DLG2: variants seen among roughly 807,000 people sequenced by gnomAD.
DLG2 encodes disks large homolog 2.
DLG2 carries 45 observed loss-of-function variants against 132.5 expected under a neutral mutation model. The observed-to-expected ratio is 0.34, with a 90% CI of 0.27 to 0.44. DLG2 has a LOEUF of 0.44. DLG2 is among the 20% of genes least tolerant of loss of function. The pLI is 1.00. For missense variants in DLG2, 1,045 were observed against 1,196.9 expected (o/e 0.87, Z 1.87); for synonymous variants, 424 against 419.6 (o/e 1.01, Z -0.13).
At chr11:84,944,859 T>C (rs2049994050) in intron 6 of DLG2, among the ~76,000 whole-genome samples, 1 of 152,182 alleles carries the variant, frequency 6.6e-6, no homozygotes, top group African/African-American at 2.4e-5. Context: ...CCACCTCACC[T>C]CCCAAAGTGC....
chr11:84,556,006 A>G (rs2099411316), intron 6 of DLG2, among the ~76,000 whole-genome samples: 1 of 152,204 alleles, frequency 6.6e-6, no homozygotes, highest in Non-Finnish European at 1.5e-5. Flanking sequence ...TACAGTAGGA[A>G]GCATCTAGGG....
At chr11:84,374,281 T>C (rs1391496023) in intron 7 of DLG2, among the ~76,000 whole-genome samples, 1 of 152,148 alleles carries the variant, frequency 6.6e-6, no homozygotes, top group Non-Finnish European at 1.5e-5. Context: ...TCCACCCAAT[T>C]TGAACACTTC....
intron 18 of DLG2, among the ~76,000 whole-genome samples, chr11:83,680,607 C>T (rs939503993): frequency 2.6e-5 from 4 of 152,172 alleles, no homozygotes; most frequent in Admixed American, 2.0e-4. Context: ...TTACACACCC[C>T]TAAGTGCCAA....
chr11:84,115,323 T>A (rs540809950), intron 9 of DLG2, among the ~76,000 whole-genome samples: 31 of 151,226 alleles, frequency 2.0e-4, no homozygotes, highest in Non-Finnish European at 1.2e-4. Flanking sequence ...AGAAATATTT[T>A]CTGGAAGCAA....
At chr11:84,385,012 CAAGATATAAA>C (rs1197655860) in intron 7 of DLG2, among the ~76,000 whole-genome samples, 2 of 152,034 alleles carry the variant, frequency 1.3e-5, no homozygotes, top group Non-Finnish European at 2.9e-5. Context: ...AAGGAGATGA[CAAGATATAAA>C]ATCATGTGTA....
At chr11:85,579,402 A>C (rs1166513311) in intron 3 of DLG2, among the ~76,000 whole-genome samples, 1 of 152,156 alleles carries the variant, frequency 6.6e-6, no homozygotes. Flanking sequence ...TAAATTTAAA[A>C]AAAAAGAGAG....
intron 15 of DLG2, among the ~76,000 whole-genome samples, chr11:83,876,721 C>T (rs2064869805): frequency 6.6e-6 from 1 of 152,066 alleles, no homozygotes; most frequent in East Asian, 1.9e-4. Flanking sequence ...CTAAAGCCTA[C>T]CTTATCACCA....
chr11:85,096,840 A>C (rs2069893605), intron 6 of DLG2, among the ~76,000 whole-genome samples: 1 of 152,150 alleles, frequency 6.6e-6, no homozygotes, highest in Non-Finnish European at 1.5e-5. Flanking sequence ...TAGCGTGGCC[A>C]CTGGACTAAA....
chr11:84,134,914 G>C (rs180839757), intron 9 of DLG2, among the ~76,000 whole-genome samples: 25 of 152,024 alleles, frequency 1.6e-4, no homozygotes, highest in African/African-American at 5.8e-4. Flanking sequence ...CTAGCCAAGG[G>C]GTGAAGGGCA....
intron 7 of DLG2, among the ~76,000 whole-genome samples, chr11:84,440,928 A>G (rs2099015332): frequency 6.6e-6 from 1 of 152,228 alleles, no homozygotes; most frequent in African/African-American, 2.4e-5. Context: ...TTTTAAAAAC[A>G]GAGCCAAAAT....
In DLG2 at chr11:83,930,370, G is replaced by C; in HGVS notation, c.1454C>G (p.Ser485Cys). The change falls in exon 15 of 28, where the codon TCC becomes TGC. Residue 485 changes from serine to cysteine, a missense_variant. Around this residue, in one of 4 missense-constraint regions of DLG2, gnomAD observed 261 missense variants for 256.1 expected, o/e 1.02. Coordinates refer to ENST00000376104, the MANE Select transcript of DLG2 (RefSeq NM_001142699.3). ...AGGTAGCAGGCCTAGGTGGTAGTGG[G>C]AATAGGGAGCTGAGAGGAGGAAGCT... ...DKSFLLSAPY[S>C]HYHLGLLPDS... The C allele has an allele frequency of 1.2e-6, 2 of 1,614,078 alleles. No homozygotes were observed. The highest frequency in any genetic ancestry group is 1.7e-6 in the Non-Finnish European group (2 of 1,179,954).
chr11:85,474,544 A>G (rs867076817), intron 3 of DLG2, among the ~76,000 whole-genome samples: 43 of 152,108 alleles, frequency 2.8e-4, no homozygotes, highest in South Asian at 1.4e-3. Flanking sequence ...AATTCTTTTA[A>G]AAACCCAGCC....
At chr11:84,441,975 A>T (rs990368058) in intron 7 of DLG2, among the ~76,000 whole-genome samples, 17 of 152,234 alleles carry the variant, frequency 1.1e-4, no homozygotes, top group Middle Eastern at 3.4e-3. Context: ...CCATTGGTCT[A>T]TATATCTGTT....
intron 6 of DLG2, among the ~76,000 whole-genome samples, chr11:84,597,848 T>C (rs2099567161): frequency 6.6e-6 from 1 of 152,164 alleles, no homozygotes; most frequent in Non-Finnish European, 1.5e-5. Context: ...TTTGAAACCA[T>C]AACAACAACA....
chr11:84,849,060 C>T (rs2081864622), intron 6 of DLG2, among the ~76,000 whole-genome samples: 1 of 152,106 alleles, frequency 6.6e-6, no homozygotes, highest in Admixed American at 6.6e-5. Flanking sequence ...AGCTGGAGAG[C>T]CTACCTGGCA....
At chr11:84,322,361 C>T (rs991004932) in intron 7 of DLG2, among the ~76,000 whole-genome samples, 10 of 152,282 alleles carry the variant, frequency 6.6e-5, no homozygotes, top group African/African-American at 2.4e-4. Flanking sequence ...GAAGCTGAAG[C>T]AGCTTCTGTT....
chr11:84,246,862 G>T (rs1397442304), intron 8 of DLG2, among the ~76,000 whole-genome samples: 1 of 152,140 alleles, frequency 6.6e-6, no homozygotes, highest in Non-Finnish European at 1.5e-5. Flanking sequence ...AGAAAAAAAT[G>T]CTTATTGCCG....
At chr11:85,039,549 C>T (rs892164907) in intron 6 of DLG2, among the ~76,000 whole-genome samples, 1 of 151,840 alleles carries the variant, frequency 6.6e-6, no homozygotes, top group African/African-American at 2.4e-5. Flanking sequence ...TAACACCTAT[C>T]TCATAGTTAT....
chr11:84,825,511 T>C (rs1195151750), intron 6 of DLG2, among the ~76,000 whole-genome samples: 1 of 151,946 alleles, frequency 6.6e-6, no homozygotes, highest in Non-Finnish European at 1.5e-5. Flanking sequence ...AGTTCAGGAA[T>C]GCCGTAAGCT....
Sources: allele counts gnomAD v4.1 joint callset (sites outside exome capture counted in the v4.1 genomes callset), GRCh38; gene constraint gnomAD v4.1.1; regional missense constraint gnomAD v4.1.1; transcripts MANE v1.5; gene names NCBI Gene and HGNC (gene_info 2026-07-23, HGNC 2026-07-21).